Variants in DNAJC5B observed in about 807,000 individuals in gnomAD.
DNAJC5B encodes DnaJ heat shock protein family (Hsp40) member C5 beta, also known as dnaJ homolog subfamily C member 5B.
DNAJC5B carries 23 observed loss-of-function variants against 24.7 expected under a neutral mutation model. That is an observed-to-expected ratio of 0.93 (90% confidence interval 0.67 to 1.32). The LOEUF (loss-of-function observed/expected upper bound fraction) is 1.32, where lower values mean the gene tolerates loss of function less well. DNAJC5B is among the 40% of genes most tolerant of loss of function. The probability of loss-of-function intolerance (pLI) is 0.00; values close to 1 mark genes in which losing one functional copy is unlikely to be tolerated. For synonymous variants in DNAJC5B, 101 were observed against 90.1 expected (o/e 1.12, Z -0.68); for missense variants, 238 against 240.8 (o/e 0.99, Z 0.08).
intron 3 of DNAJC5B, among the ~76,000 whole-genome samples, chr8:66,068,505 A>C (rs1405291709): frequency 1.3e-5 from 2 of 152,102 alleles, no homozygotes; most frequent in Non-Finnish European, 2.9e-5. Flanking sequence ...AAATGAAAAA[A>C]GATTTAAAAA....
chr8:66,033,223 G>A (rs79901319), intron 1 of DNAJC5B, among the ~76,000 whole-genome samples: 2,446 of 152,330 alleles, frequency 0.016, 58 homozygotes, highest in African/African-American at 0.055. Context: ...ACAGGAGGTC[G>A]GCACCTGTTT....
intron 3 of DNAJC5B, among the ~76,000 whole-genome samples, chr8:66,067,209 AC>A (rs973791522): frequency 5.1e-5 from 1 of 19,662 alleles, no homozygotes; most frequent in African/African-American, 1.7e-4. Context: ...ACCGCCCCCC[AC>A]CCCCACATAT....
At chr8:66,062,143 A>C (rs1156344903) in intron 3 of DNAJC5B, among the ~76,000 whole-genome samples, 1 of 152,250 alleles carries the variant, frequency 6.6e-6, no homozygotes, top group Non-Finnish European at 1.5e-5. Flanking sequence ...CCCTAGCACC[A>C]TGCTAGTATT....
chr8:66,048,009 C>T (rs1806759993), intron 2 of DNAJC5B, among the ~76,000 whole-genome samples: 2 of 152,166 alleles, frequency 1.3e-5, no homozygotes, highest in Admixed American at 6.5e-5. Context: ...TTAGTGTCCA[C>T]CCTTTATCAC....
intron 5 of DNAJC5B, among the ~76,000 whole-genome samples, chr8:66,096,813 G>C (rs974490856): frequency 6.6e-6 from 1 of 152,000 alleles, no homozygotes; most frequent in African/African-American, 2.4e-5. Flanking sequence ...CTTTTAAATA[G>C]AGTACTATAT....
chr8:66,026,892 C>T (rs563178212), intron 1 of DNAJC5B, among the ~76,000 whole-genome samples: 2 of 152,332 alleles, frequency 1.3e-5, no homozygotes, highest in Admixed American at 1.3e-4. Context: ...CGGAGGCATG[C>T]TTCATGCTGC....
At chr8:66,051,102 C>A (rs1806834812) in intron 2 of DNAJC5B, among the ~76,000 whole-genome samples, 1 of 152,178 alleles carries the variant, frequency 6.6e-6, no homozygotes, top group African/African-American at 2.4e-5. Flanking sequence ...ATAATTTGGA[C>A]AACATCCCCC....
chr8:66,041,131 A>C (rs1184309771), intron 1 of DNAJC5B, among the ~76,000 whole-genome samples: 2 of 152,204 alleles, frequency 1.3e-5, no homozygotes, highest in Non-Finnish European at 2.9e-5. Flanking sequence ...CAGATGATTT[A>C]TCTCTTTGAA....
At chr8:66,072,045 G>C (rs963477532) in intron 3 of DNAJC5B, among the ~76,000 whole-genome samples, 17 of 142,754 alleles carry the variant, frequency 1.2e-4, no homozygotes, top group African/African-American at 4.4e-4. Flanking sequence ...AGTGGGGCCT[G>C]TCAGGGGGTG....
At chr8:66,020,678 T>C (rs907057603), upstream of DNAJC5B, among the ~76,000 whole-genome samples, 17 of 148,654 alleles carry the variant, frequency 1.1e-4, no homozygotes, top group Admixed American at 1.0e-3. Context: ...CATTCTGCCG[T>C]CCAGGCTGGA....
chr8:66,048,773 T>C (rs1420300200), intron 2 of DNAJC5B, among the ~76,000 whole-genome samples: 1 of 152,234 alleles, frequency 6.6e-6, no homozygotes, highest in East Asian at 1.9e-4. Context: ...CAAGTTCTAC[T>C]GCAGAAGCAA....
upstream of DNAJC5B, among the ~76,000 whole-genome samples, chr8:66,020,895 C>T (rs759323593): frequency 6.6e-6 from 1 of 152,160 alleles, no homozygotes; most frequent in African/African-American, 2.4e-5. Flanking sequence ...ACCTCAGCCT[C>T]CCAAAGTGCT....
intron 5 of DNAJC5B, among the ~76,000 whole-genome samples, chr8:66,088,084 T>G (rs1211808342): frequency 2.0e-5 from 3 of 152,180 alleles, no homozygotes; most frequent in Non-Finnish European, 4.4e-5. Context: ...TGCCTGGACA[T>G]CCAGGCATTT....
At chr8:66,093,525 G>T (rs965687040) in intron 5 of DNAJC5B, among the ~76,000 whole-genome samples, 11 of 151,974 alleles carry the variant, frequency 7.2e-5, no homozygotes, top group African/African-American at 2.7e-4. Context: ...GCTCATTTGG[G>T]TTTCCCCTTC....
In DNAJC5B at chr8:66,079,510, AT is replaced by A. The variant is rs771389977; in HGVS notation, c.334-863del. ...GATGAGTCTTACACACCAGGTGGAT[AT>A]TTTGTTAGGTGACTGGGGAACTGGG... On this transcript the variant is annotated intron_variant, in intron 4 of 5. Coordinates refer to ENST00000276570, the MANE Select transcript of DNAJC5B (RefSeq NM_033105.6). 8.5e-4 allele frequency among the ~76,000 whole-genome samples: 130 copies of A among 152,274 alleles called. 1 individual carries two copies. The highest frequency in any genetic ancestry group is 3.2e-3 in the Admixed American group (49 of 15,302).
intron 1 of DNAJC5B, among the ~76,000 whole-genome samples, chr8:66,039,272 G>T (rs1471398549): frequency 6.6e-6 from 1 of 151,952 alleles, no homozygotes; most frequent in African/African-American, 2.4e-5. Context: ...TGGTTACCTT[G>T]GGCAATTCAC....
intron 5 of DNAJC5B, among the ~76,000 whole-genome samples, chr8:66,083,003 C>CTTTTCTTTTTT (rs1807631722): frequency 1.2e-5 from 1 of 86,722 alleles, no homozygotes; most frequent in African/African-American, 4.9e-5. Flanking sequence ...CTTTTCTTTT[C>CTTTTCTTTTTT]TTTTTTTTTT....
At position 66,023,568 on chromosome 8, in the gene DNAJC5B, G is replaced by A. The variant is rs76461749; in HGVS notation, c.-142+1863G>A. Among the ~76,000 whole-genome samples the A allele has an allele frequency of 8.2e-3, 1,242 of 151,896 alleles. 13 individuals are homozygous for A. The highest frequency in any genetic ancestry group is 0.028 in the African/African-American group (1,169 of 41,386). ...GATTTTTACTTTATAATAAATATACGGTCTTCCTGTGGCCTTGTCTTTTCC... is the reference window on the plus strand; with the variant it reads ...GATTTTTACTTTATAATAAATATACAGTCTTCCTGTGGCCTTGTCTTTTCC... On this transcript the variant is annotated intron_variant, in intron 1 of 5. Coordinates refer to ENST00000276570, the MANE Select transcript of DNAJC5B (RefSeq NM_033105.6).
chr8:66,034,110 T>A (rs139763218), intron 1 of DNAJC5B, among the ~76,000 whole-genome samples: 1 of 152,242 alleles, frequency 6.6e-6, no homozygotes, highest in East Asian at 1.9e-4. Context: ...CCCAGGTGTG[T>A]GGGTCAAATG....
Sources: gnomAD v4.1 joint callset for allele counts (sites outside exome capture counted in the v4.1 genomes callset) on GRCh38, gnomAD v4.1.1 for gene constraint, MANE v1.5 for transcripts, NCBI Gene and HGNC (gene_info 2026-07-23, HGNC 2026-07-21) for gene names.